FRAS1: variants seen among roughly 807,000 people sequenced by gnomAD.
The protein encoded by FRAS1 is extracellular matrix organizing protein FRAS1.
Under a neutral mutation model 435.2 loss-of-function variants are expected in FRAS1, and 290 were observed. That is an observed-to-expected ratio of 0.67 (90% CI 0.61 to 0.73). FRAS1 has a LOEUF of 0.73. FRAS1 is among the 30% of genes least tolerant of loss of function. The pLI, the probability that FRAS1 is intolerant of heterozygous loss-of-function variation, is 0.00. For missense variants in FRAS1, 4,860 were observed against 5,001.5 expected (o/e 0.97, Z 0.85); for synonymous variants, 1,800 against 1,851.0 (o/e 0.97, Z 0.71).
chr4:78,177,836 T>G (rs1721840347), intron 2 of FRAS1, among the ~76,000 whole-genome samples: 1 of 152,222 alleles, frequency 6.6e-6, no homozygotes, highest in Non-Finnish European at 1.5e-5. Context: ...TGGAAGTTAC[T>G]GAACGCTGTT....
In FRAS1 at chr4:78,482,481, G is replaced by A. The variant is rs150998139; in HGVS notation, c.8698G>A (p.Glu2900Lys). 2.0e-4 allele frequency: 315 copies of A among 1,613,902 alleles called. 2 individuals are homozygous for A. The East Asian group carries it at 5.5e-3, about 28-fold the overall frequency. ...TTTCCTCAGCTCAGCACAAGGAGCC[G>A]AACTGACCAAACCCTTCCAGGCAGT... ...VVFLSSAQGA[E>K]LTKPFQAVIA... is the part of the protein sequence containing the mutation. Residue 2900 changes from glutamate to lysine, a missense_variant, in exon 58 of 74, where the codon GAA becomes AAA. Transcript: ENST00000512123.
In FRAS1 at chr4:78,539,298, G is replaced by A. The variant is rs867954723; in HGVS notation, c.11303G>A (p.Arg3768His). The A allele has an allele frequency of 4.4e-6, 7 of 1,600,462 alleles. No homozygotes were observed. The highest frequency in any genetic ancestry group is 2.2e-5 in the East Asian group (1 of 44,470). The change falls in exon 73 of 74, where the codon CGC becomes CAC. Residue 3768 changes from arginine (R) to histidine (H), a missense_variant. Arg to His is a conservative substitution (Grantham distance 29). Coordinates refer to ENST00000512123, the MANE Select transcript of FRAS1 (RefSeq NM_025074.7). The stretch of plus-strand genomic sequence containing the variant: ...TTCTTTTTTCTGAAATCCTAGGACC[G>A]CAATCAGCCAGAGGTAACTGATAAG... ...HLKHRFLLLD[R>H]NQPEVTDKYF...
chr4:78,543,908 G>A lies in FRAS1; in HGVS notation c.*2784G>A, dbSNP rs1722130667. ...CAGTGGTTACTACTTGCTTTTATAT[G>A]CTGGCTGTGAAGGTTAAAAGAAAGA... On this transcript the variant is annotated 3_prime_UTR_variant, in exon 74 of 74. Transcript: ENST00000512123. 1 of 151,162 alleles carries A rather than the reference G, an allele frequency of 6.6e-6. No individual in the cohort carries two copies. The highest frequency in any genetic ancestry group is 6.6e-5 in the Admixed American group (1 of 15,094). The allele number at this position is 151,162 out of a possible 1,614,324, so 9.4% of individuals were successfully genotyped here.
chr4:78,524,983 C>T (rs1242865716), intron 69 of FRAS1, among the ~76,000 whole-genome samples: 1 of 152,044 alleles, frequency 6.6e-6, no homozygotes, highest in African/African-American at 2.4e-5. Context: ...AACAGGGTTC[C>T]TGGTAAAGTT....
chr4:78,446,979 T>C, intron 43 of FRAS1, 99 bp downstream of exon 43: 17 of 1,172,224 alleles, frequency 1.5e-5, no homozygotes, highest in Non-Finnish European at 1.8e-5. Flanking sequence ...TTTTCTTGTA[T>C]ATGGTACATT....
At chr4:78,382,936 T>G (rs1732077185) in intron 27 of FRAS1, among the ~76,000 whole-genome samples, 1 of 152,226 alleles carries the variant, frequency 6.6e-6, no homozygotes, top group Non-Finnish European at 1.5e-5. Flanking sequence ...CCATAATGCT[T>G]TTCAGATCCA....
rs936322262 is a variant in FRAS1 at position 78,318,889 on chromosome 4, G to A, written c.2040G>A (p.Leu680=). 4 of 1,613,904 alleles carry A rather than the reference G, an allele frequency of 2.5e-6. No homozygotes were observed. In the African/African-American group the frequency reaches 5.3e-5, roughly 22 times the overall value. Residue 680 remains leucine (L), a synonymous_variant, in exon 18 of 74, where the codon CTG becomes CTA. Coordinates refer to ENST00000512123, the MANE Select transcript of FRAS1 (RefSeq NM_025074.7). ...GGTGTAAGAAGCCAGAGGAAGGACTGCAAGTGGAGCAGCTGTCTGACGTGG... is the reference window on the plus strand; with the variant it reads ...GGTGTAAGAAGCCAGAGGAAGGACTACAAGTGGAGCAGCTGTCTGACGTGG... The part of the protein sequence containing the change: ...CTGCKKPEEG[L]QVEQLSDVGI...
At chr4:78,261,411 G>T (rs531520749) in intron 6 of FRAS1, among the ~76,000 whole-genome samples, 1 of 152,150 alleles carries the variant, frequency 6.6e-6, no homozygotes, top group East Asian at 1.9e-4. Context: ...TGGGATTCTG[G>T]ACATGCTATC....
chr4:78,488,848 C>A, intron 58 of FRAS1, 27 bp from the exon 59 acceptor site: 1 of 1,598,734 alleles, frequency 6.3e-7, no homozygotes, highest in East Asian at 2.2e-5. Flanking sequence ...ACTAATGGTG[C>A]GTCTGTCTTT....
rs769897434 is a variant in FRAS1 at position 78,379,856 on chromosome 4, T to A, written c.3423T>A (p.His1141Gln). 1 of 1,613,916 alleles carries A rather than the reference T, an allele frequency of 6.2e-7. No homozygotes were observed. ...QEGRVEDLLF[H>Q]VVSTPTNGQL... ...GTAGGGTCGAAGATCTCCTATTTCA[T>A]GTTGTGAGCACTCCCACCAATGGTC... Residue 1141 changes from histidine to glutamine, a missense_variant, in exon 27 of 74, where the codon CAT (histidine) becomes CAA (glutamine). Physicochemically the swap from His to Gln is conservative, Grantham distance 24. Coordinates refer to ENST00000512123, the MANE Select transcript of FRAS1 (RefSeq NM_025074.7).
At chr4:78,520,892 C>T (rs1343955529) in intron 67 of FRAS1, among the ~76,000 whole-genome samples, 1 of 152,164 alleles carries the variant, frequency 6.6e-6, no homozygotes, top group Non-Finnish European at 1.5e-5. Flanking sequence ...GCAGCTTTCC[C>T]ACTCTGGGTC....
intron 20 of FRAS1, among the ~76,000 whole-genome samples, chr4:78,347,718 C>T (rs1190910526): frequency 6.6e-6 from 1 of 151,286 alleles, no homozygotes; most frequent in Non-Finnish European, 1.5e-5. Context: ...ATTCTCTGAT[C>T]CTTCTTTGAC....
chr4:78,270,873 C>T (rs1172965000), intron 9 of FRAS1, among the ~76,000 whole-genome samples: 1 of 152,114 alleles, frequency 6.6e-6, no homozygotes. Context: ...CCACTGCTGC[C>T]TATTGGCCTC....
At chr4:78,482,607 A>T (rs1300848995) in intron 58 of FRAS1, 72 bp downstream of exon 58, 9 of 1,453,094 alleles carry the variant, frequency 6.2e-6, no homozygotes, top group Non-Finnish European at 8.6e-6. Flanking sequence ...CACATATGTG[A>T]CATTGGAACT....
intron 20 of FRAS1, among the ~76,000 whole-genome samples, chr4:78,355,995 A>G (rs1021798246): frequency 6.6e-6 from 1 of 152,204 alleles, no homozygotes; most frequent in African/African-American, 2.4e-5. Context: ...TAGTTTGTAG[A>G]AAATATGCCC....
rs1251861498 is a variant in FRAS1, at chr4:78,515,913, A to G, written c.10289A>G (p.Lys3430Arg). ...VREPKTIQLY[K>R]HLNLKSCVWT... is the part of the protein sequence containing the mutation. ...GAGCCGAAGACCATCCAGCTCTACA[A>G]ACACCTGAACCTGAAGAGCTGCGTG... The change falls in exon 66 of 74, where the codon AAA becomes AGA. Residue 3430 changes from lysine (K) to arginine (R), a missense_variant. Coordinates refer to ENST00000512123, the MANE Select transcript of FRAS1 (RefSeq NM_025074.7). 6.2e-7 allele frequency: 1 copy of G among 1,613,906 alleles called. No homozygotes were observed. The highest frequency in any genetic ancestry group is 1.3e-5 in the African/African-American group (1 of 75,030).
chr4:78,165,789 A>G (rs537464947), intron 2 of FRAS1, among the ~76,000 whole-genome samples: 2 of 152,248 alleles, frequency 1.3e-5, no homozygotes, highest in Admixed American at 6.5e-5. Flanking sequence ...AGATGAGAGC[A>G]TTACATGTTT....
At chr4:78,478,394 A>G (rs1442578637) in intron 55 of FRAS1, among the ~76,000 whole-genome samples, 1 of 152,240 alleles carries the variant, frequency 6.6e-6, no homozygotes, top group Non-Finnish European at 1.5e-5. Context: ...ACCTTGGTCA[A>G]GGAGGGAAGT....
At chr4:78,416,443 TA>T (rs879526085) in intron 32 of FRAS1, among the ~76,000 whole-genome samples, 105 of 142,450 alleles carry the variant, frequency 7.4e-4, no homozygotes, top group South Asian at 2.7e-3. Context: ...TTATGATGGT[TA>T]AAAAAAAAAA....
Sources: allele counts gnomAD v4.1 joint callset (sites outside exome capture counted in the v4.1 genomes callset), GRCh38; gene constraint gnomAD v4.1.1; transcripts MANE v1.5; gene names NCBI Gene and HGNC (gene_info 2026-07-23, HGNC 2026-07-21).